KCNIP4: variants seen among roughly 807,000 people sequenced by gnomAD.
KCNIP4 encodes the protein Kv channel-interacting protein 4.
Under a neutral mutation model 34.0 loss-of-function variants are expected in KCNIP4, and 12 were observed. The ratio of observed to expected loss-of-function variants is 0.35; its 90% CI spans 0.23 to 0.57. The LOEUF (loss-of-function observed/expected upper bound fraction) is 0.57, where lower values mean the gene tolerates loss of function less well. Ranked by LOEUF, KCNIP4 falls within the 20% of genes least tolerant of loss-of-function variation. The probability of loss-of-function intolerance (pLI) is 0.83; values close to 1 mark genes in which losing one functional copy is unlikely to be tolerated. For missense variants in KCNIP4, 238 were observed against 311.7 expected (o/e 0.76, Z 1.78); for synonymous variants, 124 against 102.2 (o/e 1.21, Z -1.29).
chr4:21,413,115 G>T (rs1045387277), intron 1 of KCNIP4, among the ~76,000 whole-genome samples: 1 of 152,184 alleles, frequency 6.6e-6, no homozygotes, highest in Non-Finnish European at 1.5e-5. Flanking sequence ...AGGGGCCTCA[G>T]GTGGTCAAGT....
At chr4:21,324,640 T>C (rs1714845613) in intron 1 of KCNIP4, among the ~76,000 whole-genome samples, 1 of 152,032 alleles carries the variant, frequency 6.6e-6, no homozygotes, top group Non-Finnish European at 1.5e-5. Context: ...CTTACTGTTT[T>C]TATTACTATA....
At chr4:21,043,749 AT>A (rs1384724765) in intron 1 of KCNIP4, among the ~76,000 whole-genome samples, 1 of 152,306 alleles carries the variant, frequency 6.6e-6, no homozygotes, top group African/African-American at 2.4e-5. Context: ...AATATCAGAA[AT>A]AACCAGTTAT....
At chr4:21,774,696 T>C (rs2109198540) in intron 1 of KCNIP4, among the ~76,000 whole-genome samples, 1 of 152,308 alleles carries the variant, frequency 6.6e-6, no homozygotes, top group East Asian at 1.9e-4. Context: ...AGTAAGGTAG[T>C]CTTCAATCTC....
intron 1 of KCNIP4, among the ~76,000 whole-genome samples, chr4:21,714,330 C>A (rs188732407): frequency 6.6e-6 from 1 of 152,222 alleles, no homozygotes; most frequent in African/African-American, 2.4e-5. Context: ...TATTTCTCGG[C>A]TCTCTAGTCT....
intron 1 of KCNIP4, among the ~76,000 whole-genome samples, chr4:21,354,889 T>C (rs184535592): frequency 1.8e-3 from 276 of 152,270 alleles, no homozygotes; most frequent in African/African-American, 6.3e-3. Flanking sequence ...ATTGACCACA[T>C]AGTTGCAAGT....
At position 21,735,240 on chromosome 4, in the gene KCNIP4, G is replaced by A. The variant is rs532278452; in HGVS notation, c.61+213331C>T. On this transcript the variant is annotated intron_variant, in intron 1 of 8. Coordinates refer to ENST00000382152, the MANE Select transcript of KCNIP4 (RefSeq NM_025221.6). Reference sequence around the variant, plus strand: ...AAGACACTCATGGTATGCTAGAGCCGGCTTCTAATTGGCTTGTGAGAGCCA... The same window carrying A: ...AAGACACTCATGGTATGCTAGAGCCAGCTTCTAATTGGCTTGTGAGAGCCA... Among the ~76,000 whole-genome samples the A allele has an allele frequency of 1.8e-4, 27 of 152,058 alleles. No individual in the cohort carries two copies. The East Asian group carries it at 4.1e-3, about 23-fold the overall frequency.
chr4:21,422,993 T>C (rs4257640), intron 1 of KCNIP4, among the ~76,000 whole-genome samples: 43,532 of 152,030 alleles, frequency 0.29, 7,156 homozygotes, highest in Non-Finnish European at 0.38. Flanking sequence ...TGCCATTACA[T>C]ACCAAGAAAA....
chr4:20,800,624 T>G (rs1439074268), intron 3 of KCNIP4, among the ~76,000 whole-genome samples: 2 of 152,004 alleles, frequency 1.3e-5, no homozygotes, highest in African/African-American at 4.8e-5. Context: ...ATTTAATCAA[T>G]AAAATAAAGT....
intron 1 of KCNIP4, among the ~76,000 whole-genome samples, chr4:21,879,300 A>G (rs987726510): frequency 1.3e-5 from 2 of 152,314 alleles, no homozygotes; most frequent in Admixed American, 1.3e-4. Flanking sequence ...CAGAGGTATC[A>G]TATTGAAACC....
At chr4:21,376,493 C>T (rs6820035) in intron 1 of KCNIP4, among the ~76,000 whole-genome samples, 88,462 of 152,000 alleles carry the variant, frequency 0.58, 26,193 homozygotes, top group East Asian at 0.66. Context: ...TCCTTCTGAA[C>T]ATTCATTCTT....
At chr4:21,230,390 G>T (rs1306890131) in intron 1 of KCNIP4, among the ~76,000 whole-genome samples, 10 of 152,108 alleles carry the variant, frequency 6.6e-5, no homozygotes, top group Admixed American at 6.6e-4. Context: ...GGATGTGCAG[G>T]TTTGTTACAT....
In KCNIP4 at chr4:21,536,715, G is replaced by A. The variant is rs559842177; in HGVS notation, c.61+411856C>T. ...AGAATCGCTTGAACTCAGGAAACAA[G>A]GGTTGCAGTGAGCCGAGATCACGCC... On this transcript the variant is annotated intron_variant, in intron 1 of 8. Coordinates refer to ENST00000382152, the MANE Select transcript of KCNIP4 (RefSeq NM_025221.6). Among the ~76,000 whole-genome samples the A allele has an allele frequency of 1.6e-3, 241 of 151,974 alleles. 10 individuals are homozygous for A. In the South Asian group the frequency reaches 0.043, roughly 27 times the overall value.
At chr4:21,479,319 A>C (rs754376460) in intron 1 of KCNIP4, among the ~76,000 whole-genome samples, 5 of 152,212 alleles carry the variant, frequency 3.3e-5, no homozygotes, top group African/African-American at 7.2e-5. Context: ...AATAATGAGG[A>C]AAGCTAAAAA....
At chr4:21,397,449 C>T (rs1485404927) in intron 1 of KCNIP4, among the ~76,000 whole-genome samples, 1 of 152,098 alleles carries the variant, frequency 6.6e-6, no homozygotes, top group Non-Finnish European at 1.5e-5. Flanking sequence ...GGGCTTAACA[C>T]CTAGGTGATG....
intron 2 of KCNIP4, among the ~76,000 whole-genome samples, chr4:20,881,275 C>T (rs112945572): frequency 1.3e-5 from 2 of 152,002 alleles, no homozygotes; most frequent in African/African-American, 4.8e-5. Context: ...TGGTTCTTTC[C>T]ATATTTTCTC....
chr4:21,074,604 ATTTTTTGAAGGG>A (rs1745305491), intron 1 of KCNIP4, among the ~76,000 whole-genome samples: 1 of 151,736 alleles, frequency 6.6e-6, no homozygotes, highest in Admixed American at 6.6e-5. Context: ...GGAGTCATTG[ATTTTTTGAAGGG>A]TTTTTTGTGT....
At chr4:21,262,192 A>T (rs1257068692) in intron 1 of KCNIP4, among the ~76,000 whole-genome samples, 2 of 151,988 alleles carry the variant, frequency 1.3e-5, no homozygotes, top group Non-Finnish European at 2.9e-5. Context: ...ACAAGAGTGG[A>T]TCCTGCTCAT....
intron 1 of KCNIP4, among the ~76,000 whole-genome samples, chr4:21,513,300 TTCAGGCAAA>T (rs763669161): frequency 7.9e-5 from 12 of 152,184 alleles, no homozygotes; most frequent in Non-Finnish European, 1.5e-4. Context: ...AAGACTCTCG[TTCAGGCAAA>T]TAACTTAACA....
At chr4:21,343,490 C>T (rs780815944) in intron 1 of KCNIP4, among the ~76,000 whole-genome samples, 12 of 152,058 alleles carry the variant, frequency 7.9e-5, no homozygotes, top group Non-Finnish European at 1.6e-4. Context: ...ATTATCTCTC[C>T]TCAGTCAGTA....
Sources: gnomAD v4.1 joint callset for allele counts (sites outside exome capture counted in the v4.1 genomes callset) on GRCh38, gnomAD v4.1.1 for gene constraint, MANE v1.5 for transcripts, NCBI Gene and HGNC (gene_info 2026-07-23, HGNC 2026-07-21) for gene names.